The following DCC variants were observed in gnomAD, a reference collection of about 807,000 sequenced individuals.
DCC encodes the protein DCC netrin 1 receptor.
Under a neutral mutation model 172.5 loss-of-function variants are expected in DCC, and 58 were observed. The observed-to-expected ratio is 0.34, with a 90% CI of 0.27 to 0.42. DCC has a LOEUF of 0.42. Among genes scored for constraint, DCC ranks in the 10% least tolerant of loss-of-function variants. The pLI, the probability that DCC is intolerant of heterozygous loss-of-function variation, is 1.00. For synonymous variants in DCC, 709 were observed against 644.5 expected, an observed-to-expected ratio of 1.10 and a Z score of -1.52; for missense variants, 1,740 against 1,791.0, an observed-to-expected ratio of 0.97 and a Z score of 0.51.
At chr18:52,657,079 T>C (rs2035269498) in intron 1 of DCC, among the ~76,000 whole-genome samples, 2 of 152,188 alleles carry the variant, frequency 1.3e-5, no homozygotes, top group Non-Finnish European at 2.9e-5. Context: ...GACACTGCAA[T>C]ATACAAGATT....
chr18:53,216,653 G>A (rs963808501), intron 12 of DCC, among the ~76,000 whole-genome samples: 1 of 152,064 alleles, frequency 6.6e-6, no homozygotes, highest in Non-Finnish European at 1.5e-5. Context: ...AAATCTATGA[G>A]GAAGCCATAT....
chr18:52,635,839 G>A (rs542401480), intron 1 of DCC, among the ~76,000 whole-genome samples: 195 of 152,218 alleles, frequency 1.3e-3, no homozygotes, highest in Middle Eastern at 3.4e-3. Flanking sequence ...GTCAATCACC[G>A]TGAACGGGAG....
intron 12 of DCC, among the ~76,000 whole-genome samples, chr18:53,225,692 T>A (rs1429007066): frequency 6.6e-6 from 1 of 152,090 alleles, no homozygotes; most frequent in Non-Finnish European, 1.5e-5. Context: ...AGAAAAGAAG[T>A]CATAATATAC....
At chr18:52,500,978 T>C (rs2030995446) in intron 1 of DCC, among the ~76,000 whole-genome samples, 1 of 152,224 alleles carries the variant, frequency 6.6e-6, no homozygotes, top group African/African-American at 2.4e-5. Flanking sequence ...TTCTTTGTTA[T>C]TATTTTGAAT....
chr18:52,538,148 C>T (rs2032338763), intron 1 of DCC, among the ~76,000 whole-genome samples: 3 of 152,112 alleles, frequency 2.0e-5, no homozygotes, highest in Admixed American at 2.0e-4. Flanking sequence ...CACCTGTATC[C>T]CAATCTTCCT....
intron 7 of DCC, among the ~76,000 whole-genome samples, chr18:53,102,067 A>C (rs1251929269): frequency 1.3e-5 from 2 of 152,034 alleles, no homozygotes; most frequent in African/African-American, 4.8e-5. Flanking sequence ...ACTCGGATGC[A>C]TTTTTACATC....
chr18:53,062,426 G>C (rs1287388946), intron 5 of DCC, among the ~76,000 whole-genome samples: 1 of 152,086 alleles, frequency 6.6e-6, no homozygotes, highest in Admixed American at 6.6e-5. Flanking sequence ...CATTTTCTAT[G>C]TGAAACAGAT....
chr18:53,089,293 C>T (rs1412393365), intron 7 of DCC, among the ~76,000 whole-genome samples: 1 of 152,056 alleles, frequency 6.6e-6, no homozygotes, highest in Non-Finnish European at 1.5e-5. Context: ...ACCTTGTTGG[C>T]CAGGCTGGCT....
chr18:52,735,007 T>C (rs866434589), intron 1 of DCC, among the ~76,000 whole-genome samples: 1 of 152,166 alleles, frequency 6.6e-6, no homozygotes, highest in South Asian at 2.1e-4. Flanking sequence ...CCATTATATG[T>C]AATAAATCCA....
intron 23 of DCC, among the ~76,000 whole-genome samples, chr18:53,454,693 T>A (rs977244320): frequency 6.6e-6 from 1 of 152,202 alleles, no homozygotes; most frequent in African/African-American, 2.4e-5. Context: ...AAGATTAGTA[T>A]GCATTCAAAT....
intron 15 of DCC, among the ~76,000 whole-genome samples, chr18:53,344,717 G>A (rs117260292): frequency 0.015 from 2,278 of 151,540 alleles, 31 homozygotes; most frequent in Non-Finnish European, 0.02. Flanking sequence ...GGGACTGCAG[G>A]TATGAACCAC....
chr18:52,725,780 A>G (rs1203431550), intron 1 of DCC, among the ~76,000 whole-genome samples: 2 of 152,248 alleles, frequency 1.3e-5, no homozygotes, highest in African/African-American at 2.4e-5. Flanking sequence ...CAATTGAGAT[A>G]GGAAACATAA....
intron 1 of DCC, among the ~76,000 whole-genome samples, chr18:52,675,223 T>A: frequency 6.6e-6 from 1 of 152,108 alleles, no homozygotes; most frequent in East Asian, 1.9e-4. Flanking sequence ...CACACCTGGC[T>A]AATTTTTGTA....
intron 2 of DCC, among the ~76,000 whole-genome samples, chr18:52,850,078 A>C (rs2038951962): frequency 6.6e-6 from 1 of 152,140 alleles, no homozygotes; most frequent in Admixed American, 6.5e-5. Flanking sequence ...TTGGATGGTC[A>C]AGAAGTATTT....
intron 3 of DCC, among the ~76,000 whole-genome samples, chr18:52,906,922 G>T (rs2039891808): frequency 6.6e-6 from 1 of 151,770 alleles, no homozygotes; most frequent in Admixed American, 6.6e-5. Flanking sequence ...TTTAGGCTCT[G>T]AGCATACTGT....
At chr18:52,925,096 T>C in intron 4 of DCC, 138 bp from the exon 5 acceptor site, 1 of 850,552 alleles carries the variant, frequency 1.2e-6, no homozygotes, top group South Asian at 1.4e-5. Context: ...TAAGTGAGAC[T>C]TTAATCAAGC....
intron 1 of DCC, among the ~76,000 whole-genome samples, chr18:52,704,938 T>A (rs2036181726): frequency 6.6e-6 from 1 of 152,188 alleles, no homozygotes; most frequent in Non-Finnish European, 1.5e-5. Flanking sequence ...CCCTAAGGTA[T>A]GGCTAATCAT....
In DCC at chr18:53,450,503, C is replaced by T. The variant is rs773215741; in HGVS notation, c.3233C>T (p.Pro1078Leu). 10 of 1,613,782 alleles carry T rather than the reference C, an allele frequency of 6.2e-6. No individual in the cohort carries two copies. Among genetic ancestry groups the T allele is most frequent in the Admixed American group, 3.3e-5 (2 of 59,962 alleles). The change falls in exon 23 of 29, where the codon CCG becomes CTG. Residue 1078 changes from proline (P) to leucine (L), a missense_variant. Pro to Leu is a moderately conservative substitution (Grantham distance 98). This residue lies in a region of DCC where 1,732 missense variants were observed against 1,767.4 expected (regional missense o/e 0.98). Coordinates refer to ENST00000442544, the MANE Select transcript of DCC (RefSeq NM_005215.4). ...NLIDRSTLNE[P>L]PIGQMHPPHG... ...CCATTTTCCTGTCTTTTCCCAGAGC[C>T]GCCAATTGGACAAATGCACCCCCCG...
chr18:52,599,508 T>C (rs2033974535), intron 1 of DCC, among the ~76,000 whole-genome samples: 1 of 151,110 alleles, frequency 6.6e-6, no homozygotes, highest in Admixed American at 6.6e-5. Flanking sequence ...ATTCCTCTTT[T>C]GATTTGTTTA....
Sources: gnomAD v4.1 joint callset for allele counts (sites outside exome capture counted in the v4.1 genomes callset) on GRCh38, gnomAD v4.1.1 for gene constraint, gnomAD v4.1.1 regional missense constraint, MANE v1.5 for transcripts, NCBI Gene and HGNC (gene_info 2026-07-23, HGNC 2026-07-21) for gene names.